Variants in SUDS3 observed in about 807,000 individuals in gnomAD.
SUDS3 encodes the protein SIN3A corepressor complex component SDS3.
In SUDS3, 23 loss-of-function variants were observed where a neutral mutation model predicts 53.5. The ratio of observed to expected loss-of-function variants is 0.43; its 90% CI spans 0.31 to 0.61. The LOEUF is 0.61. Ranked by LOEUF, SUDS3 falls within the 20% of genes least tolerant of loss-of-function variation. The pLI, the probability that SUDS3 is intolerant of heterozygous loss-of-function variation, is 0.10. For synonymous variants in SUDS3, 150 were observed against 148.5 expected (o/e 1.01, Z -0.08); for missense variants, 291 against 405.9 (o/e 0.72, Z 2.43).
At chr12:118,390,230 G>A (rs1374081692) in intron 5 of SUDS3, among the ~76,000 whole-genome samples, 1 of 152,094 alleles carries the variant, frequency 6.6e-6, no homozygotes, top group East Asian at 2.0e-4. Flanking sequence ...AGTTATAACG[G>A]CCTAATAGTT....
chr12:118,403,918 T>C (rs541608179), intron 10 of SUDS3: 15 of 196,410 alleles, frequency 7.6e-5, no homozygotes, highest in Admixed American at 2.7e-4. Context: ...TGGGGGATGA[T>C]CATGTTAATT....
intron 1 of SUDS3, among the ~76,000 whole-genome samples, chr12:118,377,298 C>T (rs749228456): frequency 4.6e-5 from 7 of 152,058 alleles, no homozygotes; most frequent in African/African-American, 1.7e-4. Context: ...AGGAAAGGGA[C>T]CTAGAACCAG....
At position 118,382,901 on chromosome 12, in the gene SUDS3, C is replaced by T. The variant is rs367873516; in HGVS notation, c.213-1111C>T. 3.9e-5 allele frequency among the ~76,000 whole-genome samples: 6 copies of T among 152,096 alleles called. No homozygotes were observed. In the East Asian group the frequency reaches 7.7e-4, roughly 20 times the overall value. ...CAGGTTGGTCTCGAACTCCTGACCT[C>T]AAGTGATCCACCCGCCTCGGCCTCC... On this transcript the variant is annotated intron_variant, in intron 2 of 11. Coordinates refer to ENST00000543473, the MANE Select transcript of SUDS3 (RefSeq NM_022491.3).
At chr12:118,380,317 G>T in intron 2 of SUDS3, 86 bp downstream of exon 2, 1 of 1,215,820 alleles carries the variant, frequency 8.2e-7, no homozygotes, top group Non-Finnish European at 1.2e-6. Flanking sequence ...TGAAATCTCA[G>T]ATGCTCCAAA....
rs1227260533 is a variant in SUDS3 at position 118,415,593 on chromosome 12, T to C, written c.*1160T>C. On this transcript the variant is annotated 3_prime_UTR_variant, in exon 12 of 12. Coordinates refer to ENST00000543473, the MANE Select transcript of SUDS3 (RefSeq NM_022491.3). ...GAAATGATTCATTGGGTGATGAGTGTTGGGGTTTTCTATACTCATGTTGCC... is the reference window on the plus strand; with the variant it reads ...GAAATGATTCATTGGGTGATGAGTGCTGGGGTTTTCTATACTCATGTTGCC... The C allele has an allele frequency of 1.3e-5, 2 of 152,138 alleles. No individual in the cohort carries two copies. The highest frequency in any genetic ancestry group is 2.9e-5 in the Non-Finnish European group (2 of 68,028). The allele number at this position is 152,138 out of a possible 1,614,324, so 9.4% of individuals were successfully genotyped here.
Position 118,380,229 on chromosome 12 carries a change from A to G in SUDS3, c.210A>G (p.Glu70=), listed in dbSNP as rs1449318119. The change falls in exon 2 of 12, where the codon GAA becomes GAG. Residue 70 remains glutamate (E), a splice_region_variant and synonymous_variant. Coordinates refer to ENST00000543473, the MANE Select transcript of SUDS3 (RefSeq NM_022491.3). ...HDEEDYVEMK[E]QMYQDKLASL... ...AAGAAGACTATGTAGAAATGAAGGAACAGTGAGTATGATATGCCTATGTCT... is the reference window on the plus strand; with the variant it reads ...AAGAAGACTATGTAGAAATGAAGGAGCAGTGAGTATGATATGCCTATGTCT... 8 of 1,604,614 alleles carry G rather than the reference A, an allele frequency of 5.0e-6. No homozygotes were observed. Among genetic ancestry groups the G allele is most frequent in the African/African-American group, 1.3e-5 (1 of 74,852 alleles).
At chr12:118,399,419 T>C (rs994575757) in intron 6 of SUDS3, among the ~76,000 whole-genome samples, 2 of 152,142 alleles carry the variant, frequency 1.3e-5, no homozygotes, top group Admixed American at 6.5e-5. Context: ...TGAGACTCGT[T>C]TGAACCGGGG....
At chr12:118,380,962 C>T (rs2046053168) in intron 2 of SUDS3, among the ~76,000 whole-genome samples, 1 of 152,166 alleles carries the variant, frequency 6.6e-6, no homozygotes, top group Non-Finnish European at 1.5e-5. Flanking sequence ...CTTGGCCTTC[C>T]AAAGTGCTGG....
At chr12:118,387,846 G>A (rs764236192) in intron 4 of SUDS3, among the ~76,000 whole-genome samples, 2 of 152,116 alleles carry the variant, frequency 1.3e-5, no homozygotes, top group Non-Finnish European at 2.9e-5. Flanking sequence ...GTGAGCCAAC[G>A]TGCCCGGCCC....
chr12:118,379,504 G>T (rs2046034064), intron 1 of SUDS3, among the ~76,000 whole-genome samples: 1 of 152,200 alleles, frequency 6.6e-6, no homozygotes, highest in East Asian at 1.9e-4. Context: ...TTTTGTCAGA[G>T]ACTTGAGCAG....
At chr12:118,387,845 C>T (rs561908044) in intron 4 of SUDS3, among the ~76,000 whole-genome samples, 3 of 152,244 alleles carry the variant, frequency 2.0e-5, no homozygotes, top group Admixed American at 6.5e-5. Flanking sequence ...TGTGAGCCAA[C>T]GTGCCCGGCC....
Position 118,391,188 on chromosome 12 carries a change from C to T in SUDS3, c.423C>T (p.Asp141=). The T allele has an allele frequency of 1.9e-6, 3 of 1,613,630 alleles. No homozygotes were observed. Among genetic ancestry groups the T allele is most frequent in the Non-Finnish European group, 1.7e-6 (2 of 1,179,828 alleles). ...EKKAAVKEFE[D]KKVELKENLI... ...AGGCAGCAGTGAAAGAATTTGAAGA[C>T]AAGAAGGTTGAGCTGAAAGAGAACC... is the stretch of plus-strand genomic sequence containing the variant. The change falls in exon 6 of 12, where the codon GAC becomes GAT. Residue 141 remains aspartate, a synonymous_variant. Transcript: ENST00000543473.
chr12:118,398,749 T>G (rs2046238523), intron 6 of SUDS3, among the ~76,000 whole-genome samples: 1 of 151,766 alleles, frequency 6.6e-6, no homozygotes, highest in Non-Finnish European at 1.5e-5. Flanking sequence ...CAAATTAACT[T>G]CCTCCCATGA....
At chr12:118,396,301 G>A (rs1382038379) in intron 6 of SUDS3, among the ~76,000 whole-genome samples, 1 of 152,158 alleles carries the variant, frequency 6.6e-6, no homozygotes, top group African/African-American at 2.4e-5. Context: ...TGCCACCCAG[G>A]TTGGAGTGCA....
chr12:118,401,453 A>C (rs117677981), intron 7 of SUDS3, among the ~76,000 whole-genome samples: 139 of 152,298 alleles, frequency 9.1e-4, no homozygotes, highest in Admixed American at 1.4e-3. Flanking sequence ...CTTTGGAACA[A>C]AAGCGCTTTA....
chr12:118,400,885 T>C lies in SUDS3; in HGVS notation c.613+131T>C, dbSNP rs1180014399. 18 of 868,306 alleles carry C rather than the reference T, an allele frequency of 2.1e-5. No individual in the cohort carries two copies. In the East Asian group the frequency reaches 4.2e-4, roughly 20 times the overall value. The allele number at this position is 868,306 out of a possible 1,614,324, so 53.8% of individuals were successfully genotyped here. On this transcript the variant is annotated intron_variant, in intron 7 of 11. Coordinates refer to ENST00000543473, the MANE Select transcript of SUDS3 (RefSeq NM_022491.3). ...GTAACATTTAACTGGAAAGCGTGTG[T>C]TAAATGTTTGTCCACAGGTCAGGGG...
intron 6 of SUDS3, among the ~76,000 whole-genome samples, chr12:118,395,615 T>C (rs2046208059): frequency 6.6e-6 from 1 of 152,136 alleles, no homozygotes; most frequent in African/African-American, 2.4e-5. Flanking sequence ...ATGGCCAACT[T>C]TGGCTTTAAA....
At chr12:118,403,779 T>C (rs1052376342) in intron 10 of SUDS3, among the ~76,000 whole-genome samples, 5 of 152,150 alleles carry the variant, frequency 3.3e-5, no homozygotes, top group Non-Finnish European at 5.9e-5. Flanking sequence ...CAGGCTGGTA[T>C]CTTGTGTGGT....
At chr12:118,387,337 T>G (rs1201460466) in intron 4 of SUDS3, among the ~76,000 whole-genome samples, 1 of 152,186 alleles carries the variant, frequency 6.6e-6, no homozygotes, top group Non-Finnish European at 1.5e-5. Context: ...AGGTCCTGCC[T>G]CCTCACTTTA....
Sources: gnomAD v4.1 joint callset for allele counts (sites outside exome capture counted in the v4.1 genomes callset) on GRCh38, gnomAD v4.1.1 for gene constraint, MANE v1.5 for transcripts, NCBI Gene and HGNC (gene_info 2026-07-23, HGNC 2026-07-21) for gene names.